Variants in SDHAF3 observed in about 807,000 individuals in gnomAD.
The protein encoded by SDHAF3 is succinate dehydrogenase assembly factor 3, mitochondrial.
A neutral mutation model predicts 11.5 loss-of-function variants in SDHAF3; 18 were observed. That is an observed-to-expected ratio of 1.56 (90% CI 1.08 to 2.32). The LOEUF is 2.32. Among genes scored for constraint, SDHAF3 ranks in the 30% most tolerant of loss-of-function variants. The pLI, the probability that SDHAF3 is intolerant of heterozygous loss-of-function variation, is 0.00. For synonymous variants in SDHAF3, 72 were observed against 59.3 expected (o/e 1.21, Z -0.99); for missense variants, 200 against 154.4 (o/e 1.30, Z -1.57).
chr7:97,173,009 A>G (rs1789626944), intron 1 of SDHAF3, among the ~76,000 whole-genome samples: 1 of 146,506 alleles, frequency 6.8e-6, no homozygotes, highest in Non-Finnish European at 1.5e-5. Context: ...TCAAATCATC[A>G]AGCATTATAT....
intron 1 of SDHAF3, 73 bp downstream of exon 1, chr7:97,117,970 C>G (rs762630813): frequency 1.3e-6 from 2 of 1,557,744 alleles, no homozygotes; most frequent in Non-Finnish European, 1.7e-6. Context: ...GTTCCAGTCC[C>G]CCATGCGGGG....
At chr7:97,126,730 C>T (rs2115625387) in intron 1 of SDHAF3, among the ~76,000 whole-genome samples, 1 of 152,098 alleles carries the variant, frequency 6.6e-6, no homozygotes, top group Non-Finnish European at 1.5e-5. Context: ...AGCTTGCTGG[C>T]CTTCATGGGA....
intron 1 of SDHAF3, among the ~76,000 whole-genome samples, chr7:97,155,477 C>T (rs1418528443): frequency 1.3e-5 from 2 of 152,166 alleles, no homozygotes; most frequent in Non-Finnish European, 2.9e-5. Context: ...TCCTGGAAAC[C>T]TTTTCTGCCC....
Position 97,117,750 on chromosome 7 carries a change from C to A in SDHAF3, c.27C>A (p.Val9=). 6.2e-7 allele frequency: 1 copy of A among 1,613,904 alleles called. No homozygotes were observed. The highest frequency in any genetic ancestry group is 8.5e-7 in the Non-Finnish European group (1 of 1,179,886). Residue 9 remains valine (V), a synonymous_variant, in exon 1 of 2, where the codon GTC becomes GTA. Coordinates refer to ENST00000432641, the MANE Select transcript of SDHAF3 (RefSeq NM_020186.3). ...TGCCGGGGCGGCACGTTTCTCGAGT[C>A]CGGGCATTGTACAAGCGCGTCTTGC... MPGRHVSR[V]RALYKRVLQL... is the part of the protein sequence containing the mutation.
At chr7:97,132,287 G>A (rs980123455) in intron 1 of SDHAF3, among the ~76,000 whole-genome samples, 6 of 152,048 alleles carry the variant, frequency 3.9e-5, no homozygotes, top group African/African-American at 1.4e-4. Context: ...AAATGTTAAT[G>A]TCATCTATAT....
At chr7:97,171,207 C>CTTAT (rs386410776) in intron 1 of SDHAF3, among the ~76,000 whole-genome samples, 9 of 151,780 alleles carry the variant, frequency 5.9e-5, no homozygotes, top group Non-Finnish European at 1.3e-4. Context: ...ATGCTCCCAA[C>CTTAT]TTAGGTTTGT....
At chr7:97,163,281 A>C (rs1159729619) in intron 1 of SDHAF3, among the ~76,000 whole-genome samples, 1 of 149,456 alleles carries the variant, frequency 6.7e-6, no homozygotes, top group East Asian at 2.0e-4. Flanking sequence ...AGCTGGGATT[A>C]CAGGCACCCG....
intron 1 of SDHAF3, among the ~76,000 whole-genome samples, chr7:97,119,689 A>G (rs941137742): frequency 1.4e-4 from 21 of 152,138 alleles, no homozygotes; most frequent in Non-Finnish European, 1.8e-4. Flanking sequence ...GGATTCTACA[A>G]TGCATTTAGT....
intron 1 of SDHAF3, among the ~76,000 whole-genome samples, chr7:97,133,113 G>A (rs1791694780): frequency 6.6e-6 from 1 of 152,038 alleles, no homozygotes; most frequent in South Asian, 2.1e-4. Context: ...TTAGATTTTA[G>A]AAAGTGAAGA....
At chr7:97,144,426 C>T (rs1283606631) in intron 1 of SDHAF3, among the ~76,000 whole-genome samples, 1 of 152,124 alleles carries the variant, frequency 6.6e-6, no homozygotes, top group Non-Finnish European at 1.5e-5. Context: ...GTGTTATCTT[C>T]TAGGATTTTT....
At chr7:97,141,534 A>G (rs1789041056) in intron 1 of SDHAF3, among the ~76,000 whole-genome samples, 1 of 152,170 alleles carries the variant, frequency 6.6e-6, no homozygotes, top group South Asian at 2.1e-4. Context: ...ATAGAAAAGA[A>G]CCTACATGAA....
intron 1 of SDHAF3, among the ~76,000 whole-genome samples, chr7:97,177,908 A>C (rs1357754760): frequency 6.6e-6 from 1 of 152,164 alleles, no homozygotes; most frequent in East Asian, 1.9e-4. Flanking sequence ...GAATAATCTC[A>C]GGCACTGGTC....
intron 1 of SDHAF3, among the ~76,000 whole-genome samples, chr7:97,173,876 C>G (rs913510656): frequency 6.6e-6 from 1 of 150,986 alleles, no homozygotes; most frequent in Non-Finnish European, 1.5e-5. Flanking sequence ...TACCAAACAT[C>G]CAGTCAGTTT....
At chr7:97,124,078 T>G (rs1221929244) in intron 1 of SDHAF3, among the ~76,000 whole-genome samples, 4 of 152,228 alleles carry the variant, frequency 2.6e-5, no homozygotes, top group African/African-American at 9.6e-5. Context: ...TGCCCATGCC[T>G]ATGTCCTGAA....
intron 1 of SDHAF3, among the ~76,000 whole-genome samples, chr7:97,157,548 A>G (rs573378553): frequency 6.6e-6 from 1 of 152,320 alleles, no homozygotes; most frequent in African/African-American, 2.4e-5. Context: ...CCATTGTGGA[A>G]GTCAGTGTGG....
chr7:97,160,673 T>C (rs1248679531), intron 1 of SDHAF3, among the ~76,000 whole-genome samples: 1 of 151,880 alleles, frequency 6.6e-6, no homozygotes, highest in Admixed American at 6.6e-5. Flanking sequence ...CTGTAAGCGG[T>C]TGTAAATATG....
At position 97,179,869 on chromosome 7, in the gene SDHAF3, G is replaced by A. The variant is rs1224475889; in HGVS notation, c.175-1143G>A. On this transcript the variant is annotated intron_variant, in intron 1 of 1. Transcript: ENST00000432641. ...AAAAAATATTTTCTCCATAGGTTTG[G>A]AATGTTTGGAATTAAAGTTGCTCTG... 2.0e-5 allele frequency among the ~76,000 whole-genome samples: 3 copies of A among 152,198 alleles called. No individual in the cohort carries two copies. In the East Asian group the frequency reaches 5.8e-4, roughly 29 times the overall value.
intron 1 of SDHAF3, among the ~76,000 whole-genome samples, chr7:97,162,768 T>C (rs1304808024): frequency 6.6e-6 from 1 of 152,238 alleles, no homozygotes; most frequent in Non-Finnish European, 1.5e-5. Flanking sequence ...TTTGTTATGA[T>C]TTCCATTCTT....
chr7:97,178,899 G>T (rs1186021134), intron 1 of SDHAF3, among the ~76,000 whole-genome samples: 4 of 152,068 alleles, frequency 2.6e-5, no homozygotes, highest in African/African-American at 9.7e-5. Flanking sequence ...TCATATCTAA[G>T]AACCTATTGC....
Sources: allele counts gnomAD v4.1 joint callset (sites outside exome capture counted in the v4.1 genomes callset), GRCh38; gene constraint gnomAD v4.1.1; transcripts MANE v1.5; gene names NCBI Gene and HGNC (gene_info 2026-07-23, HGNC 2026-07-21).